PPFIA2: variants seen among roughly 807,000 people sequenced by gnomAD.
PPFIA2 encodes PPFI scaffold protein A2, also known as liprin-alpha-2.
PPFIA2 carries 46 observed loss-of-function variants against 175.5 expected under a neutral mutation model. The ratio of observed to expected loss-of-function variants is 0.26; its 90% CI spans 0.21 to 0.34. The LOEUF (loss-of-function observed/expected upper bound fraction) is 0.34. Among genes scored for constraint, PPFIA2 ranks in the 10% least tolerant of loss-of-function variants. The probability of loss-of-function intolerance (pLI) is 1.00; values close to 1 mark genes in which losing one functional copy is unlikely to be tolerated. For synonymous variants in PPFIA2, 568 were observed against 511.4 expected, an observed-to-expected ratio of 1.11 and a Z score of -1.49; for missense variants, 1,179 against 1,506.1, an observed-to-expected ratio of 0.78 and a Z score of 3.60.
intron 4 of PPFIA2, among the ~76,000 whole-genome samples, chr12:81,604,088 T>G (rs1223293025): frequency 2.6e-5 from 4 of 151,726 alleles, no homozygotes; most frequent in African/African-American, 4.8e-5. Context: ...ACAACTGCAA[T>G]GTAGTTTGAC....
intron 5 of PPFIA2, among the ~76,000 whole-genome samples, chr12:81,446,611 A>G (rs183261038): frequency 3.3e-4 from 50 of 152,364 alleles, no homozygotes; most frequent in Admixed American, 1.6e-3. Flanking sequence ...ATTATAGGAA[A>G]GGTCTTCGGA....
chr12:81,650,244 C>T (rs2066828853), intron 4 of PPFIA2, among the ~76,000 whole-genome samples: 1 of 151,976 alleles, frequency 6.6e-6, no homozygotes, highest in African/African-American at 2.4e-5. Context: ...CTCCTGACCT[C>T]GTGATCTGCC....
At chr12:81,513,976 C>A (rs1480727664) in intron 4 of PPFIA2, among the ~76,000 whole-genome samples, 1 of 151,996 alleles carries the variant, frequency 6.6e-6, no homozygotes, top group Non-Finnish European at 1.5e-5. Context: ...AAAGAAACCA[C>A]AAAGTCATAT....
chr12:81,433,153 T>C (rs1250661302), intron 7 of PPFIA2, among the ~76,000 whole-genome samples: 1 of 152,180 alleles, frequency 6.6e-6, no homozygotes, highest in Non-Finnish European at 1.5e-5. Context: ...TCCTCTTCTG[T>C]ATCTTTTCAC....
At position 81,595,903 on chromosome 12, in the gene PPFIA2, TG is replaced by T. The variant is rs546102079; in HGVS notation, c.303+80887del. Among the ~76,000 whole-genome samples, 689 of 152,320 alleles carry T rather than the reference TG, an allele frequency of 4.5e-3. 10 individuals are homozygous for T. Among genetic ancestry groups the T allele is most frequent in the African/African-American group, 0.016 (649 of 41,590 alleles). Reference sequence around the variant, plus strand: ...ATATATTTGCATATGTTAACTCCTGTGCTAGAATTATTTTAAGGAAGTAAGC... The same window carrying T: ...ATATATTTGCATATGTTAACTCCTGTCTAGAATTATTTTAAGGAAGTAAGC... On this transcript the variant is annotated intron_variant, in intron 4 of 32. Coordinates refer to ENST00000549396, the MANE Select transcript of PPFIA2 (RefSeq NM_003625.5).
At chr12:81,756,601 A>G (rs144867831) in intron 2 of PPFIA2, among the ~76,000 whole-genome samples, 463 of 152,258 alleles carry the variant, frequency 3.0e-3, no homozygotes, top group Middle Eastern at 6.8e-3. Context: ...CAGGTGAACC[A>G]GGACAAGTTA....
chr12:81,657,154 A>G (rs557564519), intron 4 of PPFIA2, among the ~76,000 whole-genome samples: 1 of 152,316 alleles, frequency 6.6e-6, no homozygotes, highest in South Asian at 2.1e-4. Context: ...TTCCTTCCAG[A>G]TGAGTGCTCC....
At chr12:81,574,830 G>A (rs2073218207) in intron 4 of PPFIA2, among the ~76,000 whole-genome samples, 1 of 151,794 alleles carries the variant, frequency 6.6e-6, no homozygotes, top group African/African-American at 2.4e-5. Flanking sequence ...CAGATGCAAA[G>A]TTTAATTGTT....
chr12:81,625,280 C>T (rs955255300), intron 4 of PPFIA2, among the ~76,000 whole-genome samples: 3 of 151,726 alleles, frequency 2.0e-5, no homozygotes, highest in African/African-American at 7.3e-5. Context: ...TACTTACACA[C>T]TTTAAATGGG....
At chr12:81,557,190 T>C (rs936226007) in intron 4 of PPFIA2, among the ~76,000 whole-genome samples, 15 of 133,354 alleles carry the variant, frequency 1.1e-4, no homozygotes, top group Admixed American at 5.9e-4. Context: ...ATAGATCTTA[T>C]ATCTACACAC....
At chr12:81,283,116 T>G in intron 25 of PPFIA2, 77 bp from the exon 26 acceptor site, 2 of 1,356,234 alleles carry the variant, frequency 1.5e-6, no homozygotes, top group Non-Finnish European at 2.1e-6. Context: ...AAAATTTTTC[T>G]AGCAGAAGCA....
At chr12:81,625,926 G>C (rs1313676546) in intron 4 of PPFIA2, among the ~76,000 whole-genome samples, 2 of 149,770 alleles carry the variant, frequency 1.3e-5, no homozygotes, top group South Asian at 2.1e-4. Flanking sequence ...GTCAAAGAGA[G>C]AGAAATGATG....
intron 4 of PPFIA2, among the ~76,000 whole-genome samples, chr12:81,565,969 A>G (rs1198286087): frequency 6.6e-6 from 1 of 152,178 alleles, no homozygotes; most frequent in Non-Finnish European, 1.5e-5. Flanking sequence ...AACCTGTCAC[A>G]TATGTATATT....
At chr12:81,543,430 A>G (rs376869923) in intron 4 of PPFIA2, among the ~76,000 whole-genome samples, 43 of 152,322 alleles carry the variant, frequency 2.8e-4, no homozygotes, top group African/African-American at 1.0e-3. Context: ...GAAATAAAGT[A>G]GTATTGTATT....
In PPFIA2 at chr12:81,380,033, C is replaced by T. The variant is rs183396687; in HGVS notation, c.984+3990G>A. Among the ~76,000 whole-genome samples the T allele has an allele frequency of 2.6e-3, 391 of 152,218 alleles. 1 individual carries two copies. The highest frequency in any genetic ancestry group is 9.1e-3 in the African/African-American group (377 of 41,550). On this transcript the variant is annotated intron_variant, in intron 9 of 32. Coordinates refer to ENST00000549396, the MANE Select transcript of PPFIA2 (RefSeq NM_003625.5). ...CAATTTATAAATCATACTATGCTAG[C>T]AATGCTATAGGAGTATCAAGAAAAA...
chr12:81,699,113 G>C (rs2076215559), intron 3 of PPFIA2, among the ~76,000 whole-genome samples: 1 of 151,908 alleles, frequency 6.6e-6, no homozygotes, highest in South Asian at 2.1e-4. Flanking sequence ...AAACATTATA[G>C]GATTAAAGAA....
At chr12:81,425,981 C>G (rs1449726869) in intron 7 of PPFIA2, among the ~76,000 whole-genome samples, 1 of 152,144 alleles carries the variant, frequency 6.6e-6, no homozygotes, top group Non-Finnish European at 1.5e-5. Context: ...CTTTTGCCCT[C>G]AGCCTTAAGG....
In PPFIA2 at chr12:81,440,194, C is replaced by T. The variant is rs760823865; in HGVS notation, c.571-148G>A. ...TGCGTGCTCAGAATACTAAATCTGG[C>T]AGAAATACAATGAATGCATTGTCAC... On this transcript the variant is annotated intron_variant, in intron 6 of 32. Coordinates refer to ENST00000549396, the MANE Select transcript of PPFIA2 (RefSeq NM_003625.5). 2.1e-5 allele frequency: 11 copies of T among 532,546 alleles called. No homozygotes were observed. In the African/African-American group the frequency reaches 2.2e-4, roughly 11 times the overall value. The allele number at this position is 532,546 out of a possible 1,614,324, so 33.0% of individuals were successfully genotyped here.
chr12:81,568,762 T>C (rs1352770859), intron 4 of PPFIA2, among the ~76,000 whole-genome samples: 1 of 152,158 alleles, frequency 6.6e-6, no homozygotes, highest in African/African-American at 2.4e-5. Flanking sequence ...CTGGCCTTCC[T>C]TTTCTTCCAT....
Sources: gnomAD v4.1 joint callset for allele counts (sites outside exome capture counted in the v4.1 genomes callset) on GRCh38, gnomAD v4.1.1 for gene constraint, MANE v1.5 for transcripts, NCBI Gene and HGNC (gene_info 2026-07-23, HGNC 2026-07-21) for gene names.